The following CBFA2T2 variants were observed in gnomAD, a reference collection of about 807,000 sequenced individuals.
CBFA2T2 encodes CBFA2/RUNX1 partner transcriptional co-repressor 2.
Under a neutral mutation model 62.2 loss-of-function variants are expected in CBFA2T2, and 11 were observed. That is an observed-to-expected ratio of 0.18 (90% CI 0.11 to 0.29). The LOEUF (loss-of-function observed/expected upper bound fraction) is 0.29, where lower values mean the gene tolerates loss of function less well. Among genes scored for constraint, CBFA2T2 ranks in the 10% least tolerant of loss-of-function variants. The pLI, the probability that CBFA2T2 is intolerant of heterozygous loss-of-function variation, is 1.00. For missense variants in CBFA2T2, 592 were observed against 774.1 expected, an observed-to-expected ratio of 0.76 and a Z score of 2.79; for synonymous variants, 295 against 287.5, an observed-to-expected ratio of 1.03 and a Z score of -0.27.
At chr20:33,536,044 A>G (rs1308361112) in intron 1 of CBFA2T2, among the ~76,000 whole-genome samples, 1 of 152,220 alleles carries the variant, frequency 6.6e-6, no homozygotes, top group Non-Finnish European at 1.5e-5. Context: ...TACAGAACAA[A>G]ATGAAAAGTC....
At chr20:33,556,804 CCTT>C (rs1286095478) in intron 1 of CBFA2T2, among the ~76,000 whole-genome samples, 1 of 151,902 alleles carries the variant, frequency 6.6e-6, no homozygotes, top group African/African-American at 2.4e-5. Context: ...GGAATGCTTT[CCTT>C]TCTTCCTTGT....
chr20:33,644,789 A>G lies in CBFA2T2; in HGVS notation c.*143A>G. The G allele has an allele frequency of 2.4e-6, 2 of 825,242 alleles. No individual in the cohort carries two copies. The highest frequency in any genetic ancestry group is 1.8e-5 in the South Asian group (1 of 56,584). 51.1% of individuals were successfully genotyped at this position (825,242 alleles called of 1,614,324 possible). ...GGCAGGAAGAGTCCAAGCCTGAATA[A>G]TAACACCCCACAGCCTCTCTGTGCA... On this transcript the variant is annotated 3_prime_UTR_variant, in exon 11 of 11. Transcript: ENST00000342704.
intron 1 of CBFA2T2, among the ~76,000 whole-genome samples, chr20:33,602,478 G>C (rs1415806286): frequency 6.8e-6 from 1 of 147,498 alleles, no homozygotes; most frequent in Non-Finnish European, 1.5e-5. Context: ...ATAATGATTT[G>C]TAAATGCCCT....
intron 1 of CBFA2T2, among the ~76,000 whole-genome samples, chr20:33,561,831 C>G (rs2013101526): frequency 6.6e-6 from 1 of 152,160 alleles, no homozygotes; most frequent in South Asian, 2.1e-4. Context: ...CCTGCATTGT[C>G]TTATTTTAAT....
chr20:33,593,157 C>T (rs1043454877), intron 1 of CBFA2T2, among the ~76,000 whole-genome samples: 3 of 152,030 alleles, frequency 2.0e-5, no homozygotes, highest in East Asian at 3.9e-4. Context: ...CAAGGTGAAA[C>T]CCCATCACTA....
At chr20:33,529,632 A>G (rs1228032808) in intron 1 of CBFA2T2, among the ~76,000 whole-genome samples, 2 of 151,594 alleles carry the variant, frequency 1.3e-5, no homozygotes, top group African/African-American at 2.4e-5. Context: ...GCCACACCTC[A>G]GGAGGCTGAG....
chr20:33,544,557 T>G (rs535625693), intron 1 of CBFA2T2, among the ~76,000 whole-genome samples: 1 of 152,182 alleles, frequency 6.6e-6, no homozygotes, highest in South Asian at 2.1e-4. Flanking sequence ...ATTTGTTTTT[T>G]ATTTTTTTGA....
chr20:33,514,877 A>G (rs1485055249), intron 1 of CBFA2T2, among the ~76,000 whole-genome samples: 1 of 151,552 alleles, frequency 6.6e-6, no homozygotes, highest in African/African-American at 2.4e-5. Context: ...TTTAATTATT[A>G]GAGATGGGGT....
At chr20:33,490,328 C>G in intron 1 of CBFA2T2, 27 bp downstream of exon 1, 2 of 1,277,880 alleles carry the variant, frequency 1.6e-6, no homozygotes, top group South Asian at 3.2e-5. Context: ...TGCGGGCGGC[C>G]GAGGGGGGCG....
intron 1 of CBFA2T2, among the ~76,000 whole-genome samples, chr20:33,593,065 T>G (rs1031252119): frequency 6.6e-6 from 1 of 152,142 alleles, no homozygotes; most frequent in African/African-American, 2.4e-5. Flanking sequence ...GCACCCTGGC[T>G]CATGCCTGTA....
intron 1 of CBFA2T2, among the ~76,000 whole-genome samples, chr20:33,533,962 G>C (rs1247189631): frequency 2.0e-5 from 3 of 152,056 alleles, no homozygotes; most frequent in Non-Finnish European, 4.4e-5. Flanking sequence ...GTGCTCTCCA[G>C]CCTGGGTGAC....
chr20:33,541,767 T>G (rs185426711), intron 1 of CBFA2T2, among the ~76,000 whole-genome samples: 1 of 152,348 alleles, frequency 6.6e-6, no homozygotes, highest in East Asian at 1.9e-4. Flanking sequence ...TTTCTATAAT[T>G]TTTGGTACTT....
intron 8 of CBFA2T2, among the ~76,000 whole-genome samples, chr20:33,634,486 A>G (rs2016558507): frequency 6.6e-6 from 1 of 151,952 alleles, no homozygotes; most frequent in South Asian, 2.1e-4. Flanking sequence ...AGCCTGGGCA[A>G]CATGGTGAAA....
chr20:33,638,546 T>C lies in CBFA2T2; in HGVS notation c.1298-1795T>C, dbSNP rs138018116. Among the ~76,000 whole-genome samples the C allele has an allele frequency of 3.9e-4, 60 of 152,274 alleles. 1 individual carries two copies. In the East Asian group the frequency reaches 8.1e-3, roughly 21 times the overall value. On this transcript the variant is annotated intron_variant, in intron 9 of 10. Coordinates refer to ENST00000342704, the MANE Select transcript of CBFA2T2 (RefSeq NM_001032999.3). ...TAAGAGGCATCTGATAAGAGACTTA[T>C]GAAAAGTTCTTGGCCTCTGGGGTGA... is the stretch of plus-strand genomic sequence containing the variant.
chr20:33,503,090 C>CAAA (rs35577702), intron 1 of CBFA2T2, among the ~76,000 whole-genome samples: 2 of 52,850 alleles, frequency 3.8e-5, no homozygotes, highest in Admixed American at 3.2e-4. Context: ...GACTCTGTCT[C>CAAA]AAAAAAAAAA....
At chr20:33,605,248 C>A (rs1411836782) in intron 1 of CBFA2T2, among the ~76,000 whole-genome samples, 3 of 152,196 alleles carry the variant, frequency 2.0e-5, no homozygotes, top group African/African-American at 7.2e-5. Flanking sequence ...TATGTATTGT[C>A]TTTATAGCTG....
intron 1 of CBFA2T2, among the ~76,000 whole-genome samples, chr20:33,532,952 A>G (rs1659060159): frequency 6.6e-6 from 1 of 152,168 alleles, no homozygotes. Context: ...GATGATGTCC[A>G]TTTGGCTTAT....
At position 33,646,036 on chromosome 20, in the gene CBFA2T2, C is replaced by T. The variant is rs190756667; in HGVS notation, c.*1390C>T. ...GGTGGTTTTTTAACACAAAGTCTCA[C>T]TCTGTTGCCCAGGCTGGAGTGCAGT... On this transcript the variant is annotated 3_prime_UTR_variant, in exon 11 of 11. Coordinates refer to ENST00000342704, the MANE Select transcript of CBFA2T2 (RefSeq NM_001032999.3). The T allele has an allele frequency of 7.0e-3, 1,059 of 152,246 alleles. 17 individuals are homozygous for T. Among genetic ancestry groups the T allele is most frequent in the Non-Finnish European group, 4.9e-3 (334 of 68,066 alleles). The allele number at this position is 152,246 out of a possible 1,614,324, so 9.4% of individuals were successfully genotyped here.
At chr20:33,521,209 T>C (rs2011722171) in intron 1 of CBFA2T2, among the ~76,000 whole-genome samples, 1 of 152,286 alleles carries the variant, frequency 6.6e-6, no homozygotes, top group African/African-American at 2.4e-5. Context: ...ATTTAGCACA[T>C]TTACTTGTAT....
Sources: gnomAD v4.1 joint callset for allele counts (sites outside exome capture counted in the v4.1 genomes callset) on GRCh38, gnomAD v4.1.1 for gene constraint, MANE v1.5 for transcripts, NCBI Gene and HGNC (gene_info 2026-07-23, HGNC 2026-07-21) for gene names.